Variants in SOCS7 observed in about 807,000 individuals in gnomAD.
SOCS7 encodes suppressor of cytokine signaling 7, also known as NAP-4.
SOCS7 carries 18 observed loss-of-function variants against 58.9 expected under a neutral mutation model. That is an observed-to-expected ratio of 0.31 (90% CI 0.21 to 0.45). The LOEUF (loss-of-function observed/expected upper bound fraction) is 0.45. Ranked by LOEUF, SOCS7 falls within the 20% of genes least tolerant of loss-of-function variation. SOCS7 has a pLI of 1.00. For missense variants in SOCS7, 667 were observed against 837.3 expected (o/e 0.80, Z 2.51); for synonymous variants, 388 against 364.3 (o/e 1.06, Z -0.74).
At chr17:38,354,160 C>T (rs1194810522) in intron 1 of SOCS7, among the ~76,000 whole-genome samples, 1 of 152,146 alleles carries the variant, frequency 6.6e-6, no homozygotes, top group Non-Finnish European at 1.5e-5. Flanking sequence ...AATTAGTTAC[C>T]TTGTAGTAAC....
chr17:38,358,392 A>G (rs1555567117), intron 1 of SOCS7, among the ~76,000 whole-genome samples: 2 of 152,236 alleles, frequency 1.3e-5, no homozygotes, highest in East Asian at 1.9e-4. Flanking sequence ...TGGTTCATGT[A>G]TACAAAAGGG....
chr17:38,365,911 T>C, intron 4 of SOCS7: 1 of 896,348 alleles, frequency 1.1e-6, no homozygotes, highest in Non-Finnish European at 1.4e-6. Flanking sequence ...AAATCATTAC[T>C]CTTCCTGGGC....
rs1006736762 is a variant in SOCS7, at chr17:38,352,016, C to G, written c.-37C>G. Among the ~76,000 whole-genome samples, 11 of 151,048 alleles carry G rather than the reference C, an allele frequency of 7.3e-5. No homozygotes were observed. The highest frequency in any genetic ancestry group is 2.7e-4 in the African/African-American group (11 of 41,316). On this transcript the variant is annotated 5_prime_UTR_variant, in exon 1 of 10. Coordinates refer to ENST00000612932, the MANE Select transcript of SOCS7 (RefSeq NM_014598.4). This position sits in a 1 kb window ranked among gnomAD's most constrained non-coding sequence, Gnocchi z 5.5. Reference sequence around the variant, plus strand: ...GGCCCGGCCTAGTCCCCACCCCAGCCCGGCTCCCAGCCGCCCGCCCTCCCT... The same window carrying G: ...GGCCCGGCCTAGTCCCCACCCCAGCGCGGCTCCCAGCCGCCCGCCCTCCCT...
In SOCS7 at chr17:38,403,760, T is replaced by A. The variant is rs538724663; in HGVS notation, c.*4278T>A. On this transcript the variant is annotated 3_prime_UTR_variant, in exon 10 of 10. Coordinates refer to ENST00000612932, the MANE Select transcript of SOCS7 (RefSeq NM_014598.4). ...TCATGTAAGGGAGGAGCTATTGAGTTAGACATTTTCCCTATGGGAATCCTC... is the reference window on the plus strand; with the variant it reads ...TCATGTAAGGGAGGAGCTATTGAGTAAGACATTTTCCCTATGGGAATCCTC... The A allele has an allele frequency of 6.6e-6, 1 of 152,278 alleles. No individual in the cohort carries two copies. The highest frequency in any genetic ancestry group is 1.5e-5 in the Non-Finnish European group (1 of 68,014). The allele number at this position is 152,278 out of a possible 1,614,324, so 9.4% of individuals were successfully genotyped here.
intron 7 of SOCS7, among the ~76,000 whole-genome samples, chr17:38,389,897 A>ATGTACATATATATATATG (rs1555571091): frequency 3.0e-4 from 23 of 77,366 alleles, no homozygotes; most frequent in African/African-American, 6.4e-4. Context: ...ATATATATAT[A>ATGTACATATATATATATG]TACACATATA....
intron 7 of SOCS7, among the ~76,000 whole-genome samples, chr17:38,387,111 A>ATATATATATATATATGTGTG (rs1567749126): frequency 3.9e-5 from 4 of 103,572 alleles, no homozygotes; most frequent in African/African-American, 2.2e-4. Context: ...AAATATATAT[A>ATATATATATATATATGTGTG]TATATATATA....
chr17:38,381,225 T>G (rs925117265), intron 7 of SOCS7, among the ~76,000 whole-genome samples: 18 of 152,196 alleles, frequency 1.2e-4, no homozygotes, highest in African/African-American at 4.1e-4. Flanking sequence ...CTATTGCCCC[T>G]CGACCCTAAG....
rs985205564 is a variant in SOCS7 at position 38,352,406 on chromosome 17, T to C, written c.354T>C (p.Ala118=). The C allele has an allele frequency of 1.4e-6, 2 of 1,439,054 alleles. No individual in the cohort carries two copies. The highest frequency in any genetic ancestry group is 1.5e-5 in the African/African-American group (1 of 66,532). 89.1% of individuals were successfully genotyped at this position (1,439,054 alleles called of 1,614,324 possible). The part of the protein sequence containing the change: ...LALERTWGPA[A]GLEAQLAALG... ...TCGAGCGGACCTGGGGCCCGGCGGC[T>C]GGACTAGAGGCGCAGTTGGCGGCTC... Residue 118 remains alanine (A), a synonymous_variant, in exon 1 of 10, where the codon GCT becomes GCC. Transcript: ENST00000612932. The surrounding 1 kb of genome is among the most constrained non-coding windows in gnomAD (Gnocchi z 5.5).
chr17:38,392,830 A>G (rs1356691450), intron 7 of SOCS7, among the ~76,000 whole-genome samples: 2 of 152,262 alleles, frequency 1.3e-5, no homozygotes, highest in South Asian at 4.1e-4. Flanking sequence ...TTCCTCGGCT[A>G]TGGCAGAGCT....
Position 38,377,761 on chromosome 17 carries a change from T to C in SOCS7, c.1600T>C (p.Ser534Pro). 6.2e-7 allele frequency: 1 copy of C among 1,613,078 alleles called. No homozygotes were observed. The change falls in exon 7 of 10, where the codon TCT becomes CCT. Residue 534 changes from serine (S) to proline (P), a missense_variant. Ser to Pro is a moderately conservative substitution (Grantham distance 74, BLOSUM62 -1). Transcript: ENST00000612932. ...CHPKFEDRCQ[S>P]VVEFIKRAIM... ...TCCCAAGTTTGAGGACCGCTGTCAA[T>C]CTGTTGTAGAGTTTATTAAGAGAGC...
chr17:38,395,696 A>C, intron 8 of SOCS7, 152 bp from the exon 9 acceptor site: 2 of 875,624 alleles, frequency 2.3e-6, no homozygotes, highest in Non-Finnish European at 3.5e-6. Flanking sequence ...AAGTGGTAAG[A>C]GTAAGGAAGA....
chr17:38,378,659 T>C (rs2037962241), intron 7 of SOCS7, among the ~76,000 whole-genome samples: 1 of 152,236 alleles, frequency 6.6e-6, no homozygotes, highest in Non-Finnish European at 1.5e-5. Context: ...CTACCATTGA[T>C]GAATACAAGA....
At chr17:38,370,533 G>C (rs978797063) in intron 6 of SOCS7, among the ~76,000 whole-genome samples, 3 of 151,620 alleles carry the variant, frequency 2.0e-5, no homozygotes, top group Admixed American at 2.0e-4. Context: ...TAGAGACAGG[G>C]TCTCACTATG....
At chr17:38,366,084 A>C (rs1555568266) in intron 4 of SOCS7, 1 of 1,243,124 alleles carries the variant, frequency 8.0e-7, no homozygotes, top group African/African-American at 1.5e-5. Flanking sequence ...GCCCCCACCC[A>C]TCCTTCACAG....
intron 9 of SOCS7, among the ~76,000 whole-genome samples, chr17:38,398,595 T>C (rs1011617692): frequency 8.5e-5 from 13 of 152,180 alleles, no homozygotes; most frequent in African/African-American, 3.1e-4. Context: ...CTTCTTGTTG[T>C]TCAGGCTGAT....
At chr17:38,364,977 C>A in intron 3 of SOCS7, 121 bp downstream of exon 3, 2 of 719,326 alleles carry the variant, frequency 2.8e-6, no homozygotes, top group Non-Finnish European at 4.7e-6. Flanking sequence ...TATTTCCCAG[C>A]TCTTTCTCAG....
chr17:38,387,972 A>G (rs927962123), intron 7 of SOCS7, among the ~76,000 whole-genome samples: 2 of 151,836 alleles, frequency 1.3e-5, no homozygotes, highest in African/African-American at 4.8e-5. Context: ...GGATTTCGCC[A>G]TGTTGGCCAG....
chr17:38,378,538 C>G (rs1403888265), intron 7 of SOCS7, among the ~76,000 whole-genome samples: 1 of 152,068 alleles, frequency 6.6e-6, no homozygotes, highest in African/African-American at 2.4e-5. Flanking sequence ...AAGTAAGGGC[C>G]AAATCCAGTT....
intron 1 of SOCS7, 42 bp from the exon 2 acceptor site, chr17:38,361,669 C>A (rs763524178): frequency 1.3e-6 from 2 of 1,489,116 alleles, no homozygotes; most frequent in Non-Finnish European, 1.9e-6. Context: ...CATATGTGTT[C>A]ATTTCTCCCC....
Sources: gnomAD v4.1 joint callset for allele counts (sites outside exome capture counted in the v4.1 genomes callset) on GRCh38, gnomAD v4.1.1 for gene constraint, Gnocchi (gnomAD v3.1) non-coding constraint, MANE v1.5 for transcripts, NCBI Gene and HGNC (gene_info 2026-07-23, HGNC 2026-07-21) for gene names.